The following HTRA3 variants were observed in gnomAD, a reference collection of about 807,000 sequenced individuals.
The protein encoded by HTRA3 is HtrA serine peptidase 3.
A neutral mutation model predicts 43.2 loss-of-function variants in HTRA3; 41 were observed. The ratio of observed to expected loss-of-function variants is 0.95; its 90% CI spans 0.74 to 1.23. HTRA3 has a LOEUF of 1.23. Ranked by LOEUF, HTRA3 falls within the 50% of genes most tolerant of loss-of-function variation. The pLI, the probability that HTRA3 is intolerant of heterozygous loss-of-function variation, is 0.00. For synonymous variants in HTRA3, 295 were observed against 287.9 expected, an observed-to-expected ratio of 1.02 and a Z score of -0.25; for missense variants, 628 against 647.1, an observed-to-expected ratio of 0.97 and a Z score of 0.32.
At chr4:8,283,394 T>G (rs905950070) in intron 2 of HTRA3, among the ~76,000 whole-genome samples, 12 of 152,046 alleles carry the variant, frequency 7.9e-5, no homozygotes, top group African/African-American at 2.9e-4. Flanking sequence ...ATCCCCAGCC[T>G]CTCCTACTTC....
At chr4:8,276,833 G>A (rs1422267559) in intron 1 of HTRA3, among the ~76,000 whole-genome samples, 2 of 152,242 alleles carry the variant, frequency 1.3e-5, no homozygotes, top group African/African-American at 2.4e-5. Flanking sequence ...AAGCGCCCAG[G>A]TCAGGGCTTG....
At chr4:8,277,032 G>C (rs1229113832) in intron 1 of HTRA3, among the ~76,000 whole-genome samples, 1 of 152,232 alleles carries the variant, frequency 6.6e-6, no homozygotes, top group Admixed American at 6.5e-5. Context: ...GCCCGTGGAG[G>C]GGGAGGCAGC....
At chr4:8,290,587 T>TACG (rs1560139604) in intron 3 of HTRA3, among the ~76,000 whole-genome samples, 2 of 152,172 alleles carry the variant, frequency 1.3e-5, no homozygotes, top group African/African-American at 2.4e-5. Context: ...TTGATGTGGG[T>TACG]ACGAGCACAG....
Position 8,282,424 on chromosome 4 carries a change from C to T in HTRA3, c.386-13C>T, listed in dbSNP as rs1168230995. The T allele has an allele frequency of 6.2e-7, 1 of 1,606,582 alleles. No individual in the cohort carries two copies. The highest frequency in any genetic ancestry group is 1.1e-5 in the South Asian group (1 of 90,276). Reference sequence around the variant, plus strand: ...GATCTCACTGATGCACCTGGCCCTTCCCGCCAGCGCAGGTCTCCACCAGCT... The same window carrying T: ...GATCTCACTGATGCACCTGGCCCTTTCCGCCAGCGCAGGTCTCCACCAGCT... On this transcript the variant is annotated splice_polypyrimidine_tract_variant and intron_variant, in intron 1 of 8. Transcript: ENST00000307358.
intron 1 of HTRA3, among the ~76,000 whole-genome samples, chr4:8,271,615 C>G (rs1712280404): frequency 6.6e-6 from 1 of 152,200 alleles, no homozygotes; most frequent in Non-Finnish European, 1.5e-5. Context: ...TCTCGCAGCT[C>G]TGGAGGCTGG....
chr4:8,305,596 C>T lies in HTRA3; in HGVS notation c.1197-375C>T, dbSNP rs185943740. Among the ~76,000 whole-genome samples, 170 of 152,294 alleles carry T rather than the reference C, an allele frequency of 1.1e-3. 4 individuals are homozygous for T. Among genetic ancestry groups the T allele is most frequent in the Admixed American group, 8.1e-3 (124 of 15,306 alleles). On this transcript the variant is annotated intron_variant, in intron 8 of 8. Coordinates refer to ENST00000307358, the MANE Select transcript of HTRA3 (RefSeq NM_053044.5). Reference sequence around the variant, plus strand: ...GCTCTGCCTCCCACATAGACGTCTTCGTAACTGCAGTAACAGCAGAACCTA... The same window carrying T: ...GCTCTGCCTCCCACATAGACGTCTTTGTAACTGCAGTAACAGCAGAACCTA...
chr4:8,270,139 C>A lies in HTRA3; in HGVS notation c.171C>A (p.Ser57Arg). The change falls in exon 1 of 9, where the codon AGC becomes AGA. Residue 57 changes from serine to arginine, a missense_variant. Transcript: ENST00000307358. ...LCNCCLVCAASEGEPCGGPLD... is the reference protein window; with the variant it reads ...LCNCCLVCAAREGEPCGGPLD... ...ACTGCTGCCTGGTGTGCGCCGCCAGCGAGGGCGAGCCCTGTGGCGGCCCTC... is the reference window on the plus strand; with the variant it reads ...ACTGCTGCCTGGTGTGCGCCGCCAGAGAGGGCGAGCCCTGTGGCGGCCCTC... 1.3e-6 allele frequency: 2 copies of A among 1,543,446 alleles called. No homozygotes were observed. The highest frequency in any genetic ancestry group is 1.2e-5 in the South Asian group (1 of 85,194).
intron 3 of HTRA3, among the ~76,000 whole-genome samples, chr4:8,288,958 CTT>C (rs1307693515): frequency 7.7e-6 from 1 of 130,436 alleles, no homozygotes; most frequent in Non-Finnish European, 1.6e-5. Flanking sequence ...CTCTCTCTCT[CTT>C]TTTTTTTTTT....
At chr4:8,289,668 G>A (rs1713147938) in intron 3 of HTRA3, among the ~76,000 whole-genome samples, 1 of 152,216 alleles carries the variant, frequency 6.6e-6, no homozygotes, top group Non-Finnish European at 1.5e-5. Context: ...GCTGAGGTGG[G>A]AAACGCCCTC....
In HTRA3 at chr4:8,280,333, G is replaced by A. The variant is rs370785976; in HGVS notation, c.386-2104G>A. 4.5e-4 allele frequency among the ~76,000 whole-genome samples: 68 copies of A among 152,250 alleles called. No individual in the cohort carries two copies. In the East Asian group the frequency reaches 9.1e-3, roughly 20 times the overall value. On this transcript the variant is annotated intron_variant, in intron 1 of 8. Transcript: ENST00000307358. Reference sequence around the variant, plus strand: ...GAGGGAGGAGGGCCTGGGCCTGGGGGTTGCCCTGGGATCCCTCTGGGTCGT... The same window carrying A: ...GAGGGAGGAGGGCCTGGGCCTGGGGATTGCCCTGGGATCCCTCTGGGTCGT...
chr4:8,275,324 C>G (rs2153003701), intron 1 of HTRA3, among the ~76,000 whole-genome samples: 1 of 152,334 alleles, frequency 6.6e-6, no homozygotes, highest in South Asian at 2.1e-4. Context: ...TTGGCGAGAC[C>G]CGGACCCTCC....
chr4:8,299,448 C>T (rs1713562061), intron 6 of HTRA3, among the ~76,000 whole-genome samples: 1 of 152,098 alleles, frequency 6.6e-6, no homozygotes, highest in African/African-American at 2.4e-5. Flanking sequence ...GACAGTTTTA[C>T]TTCTTCCTTT....
chr4:8,305,728 C>T (rs927852088), intron 8 of HTRA3, among the ~76,000 whole-genome samples: 2 of 152,118 alleles, frequency 1.3e-5, no homozygotes, highest in Non-Finnish European at 2.9e-5. Context: ...AGGGCTGCAG[C>T]GGGAGCTTGA....
At position 8,296,417 on chromosome 4, in the gene HTRA3, G is replaced by C; in HGVS notation, c.1051+2216G>C. 1 of 985,456 alleles carries C rather than the reference G, an allele frequency of 1.0e-6. No individual in the cohort carries two copies. The highest frequency in any genetic ancestry group is 1.2e-6 in the Non-Finnish European group (1 of 829,936). The allele number at this position is 985,456 out of a possible 1,614,324, so 61.0% of individuals were successfully genotyped here. A position where few individuals can be genotyped will look rare whatever the true frequency, so the allele number is the denominator to read the frequency against. ...CTTGCAATTTTAAAATCCTTCTGAA[G>C]TTGACTGGTGTTTGTACTTGCTTCT... On this transcript the variant is annotated intron_variant, in intron 6 of 8. Coordinates refer to ENST00000307358, the MANE Select transcript of HTRA3 (RefSeq NM_053044.5). This position sits in a 1 kb window ranked among gnomAD's most constrained non-coding sequence, Gnocchi z 5.3.
chr4:8,275,329 C>G (rs879322970), intron 1 of HTRA3, among the ~76,000 whole-genome samples: 2 of 152,230 alleles, frequency 1.3e-5, no homozygotes, highest in Non-Finnish European at 2.9e-5. Flanking sequence ...GAGACCCGGA[C>G]CCTCCCTGCC....
Position 8,306,261 on chromosome 4 carries a change from G to C in HTRA3, c.*125G>C. The C allele has an allele frequency of 9.6e-7, 1 of 1,037,184 alleles. No individual in the cohort carries two copies. The highest frequency in any genetic ancestry group is 1.3e-6 in the Non-Finnish European group (1 of 744,054). The allele number at this position is 1,037,184 out of a possible 1,614,324, so 64.2% of individuals were successfully genotyped here. A position where few individuals can be genotyped will look rare whatever the true frequency, so the allele number is the denominator to read the frequency against. ...GGCGGCAGCCTCCTCCTGGCTGTCC[G>C]GGGCAGAGCGGAGGCTGGGCTTGGC... On this transcript the variant is annotated 3_prime_UTR_variant, in exon 9 of 9. Transcript: ENST00000307358. The surrounding 1 kb of genome is among the most constrained non-coding windows in gnomAD (Gnocchi z 8.9).
In HTRA3 at chr4:8,286,705, G is replaced by T; in HGVS notation, c.630G>T (p.Gln210His). The T allele has an allele frequency of 6.2e-7, 1 of 1,614,210 alleles. No homozygotes were observed. Among genetic ancestry groups the T allele is most frequent in the South Asian group, 1.1e-5 (1 of 91,080 alleles). ...GGCAGCAGCTCAAGGTGCAGCTACAGAATGGGGACTCCTATGAGGCCACCA... is the reference window on the plus strand; with the variant it reads ...GGCAGCAGCTCAAGGTGCAGCTACATAATGGGGACTCCTATGAGGCCACCA... ...PGRQQLKVQL[Q>H]NGDSYEATIK... The change falls in exon 3 of 9, where the codon CAG (glutamine) becomes CAT (histidine). Residue 210 changes from glutamine (Q) to histidine (H), a missense_variant. Transcript: ENST00000307358. The surrounding 1 kb of genome is among the most constrained non-coding windows in gnomAD (Gnocchi z 4.9).
intron 1 of HTRA3, among the ~76,000 whole-genome samples, chr4:8,278,618 G>A (rs1442077111): frequency 6.6e-6 from 1 of 152,110 alleles, no homozygotes; most frequent in Admixed American, 6.5e-5. Context: ...TTGGGAGGAG[G>A]AGCTGGGGCA....
chr4:8,282,332 G>A (rs780359463), intron 1 of HTRA3, 105 bp from the exon 2 acceptor site: 26 of 865,400 alleles, frequency 3.0e-5, no homozygotes, highest in Non-Finnish European at 4.8e-5. Flanking sequence ...AACTGGGACA[G>A]GGGTCTCAGG....
Sources: gnomAD v4.1 joint callset for allele counts (sites outside exome capture counted in the v4.1 genomes callset) on GRCh38, gnomAD v4.1.1 for gene constraint, Gnocchi (gnomAD v3.1) non-coding constraint, MANE v1.5 for transcripts, NCBI Gene and HGNC (gene_info 2026-07-23, HGNC 2026-07-21) for gene names.